Variants in MED15 observed in about 807,000 individuals in gnomAD.
The protein encoded by MED15 is mediator of RNA polymerase II transcription subunit 15.
Under a neutral mutation model 118.7 loss-of-function variants are expected in MED15, and 41 were observed. The observed-to-expected ratio is 0.35, with a 90% CI of 0.27 to 0.45. The LOEUF (loss-of-function observed/expected upper bound fraction) is 0.45, where lower values mean the gene tolerates loss of function less well. MED15 is among the 20% of genes least tolerant of loss of function. The probability of loss-of-function intolerance (pLI) is 1.00; values close to 1 mark genes in which losing one functional copy is unlikely to be tolerated. For missense variants in MED15, 740 were observed against 1,025.5 expected, an observed-to-expected ratio of 0.72 and a Z score of 3.80; for synonymous variants, 436 against 413.9, an observed-to-expected ratio of 1.05 and a Z score of -0.65.
chr22:20,548,173 G>A (rs1301527748), intron 2 of MED15, among the ~76,000 whole-genome samples: 1 of 151,680 alleles, frequency 6.6e-6, no homozygotes, highest in African/African-American at 2.4e-5. Flanking sequence ...TTTGTTTTTT[G>A]TTTTGAGACA....
At chr22:20,585,955 C>T in intron 17 of MED15, 129 bp downstream of exon 17, 1 of 830,872 alleles carries the variant, frequency 1.2e-6, no homozygotes, top group Non-Finnish European at 1.9e-6. Context: ...GCCCCTCCCT[C>T]CCCTCTTCTG....
chr22:20,546,963 T>C (rs1376722736), intron 2 of MED15, among the ~76,000 whole-genome samples: 1 of 152,220 alleles, frequency 6.6e-6, no homozygotes, highest in Non-Finnish European at 1.5e-5. Flanking sequence ...AAAAACATGT[T>C]TTTGAAATAA....
At chr22:20,541,795 A>C (rs919605588) in intron 2 of MED15, among the ~76,000 whole-genome samples, 2 of 152,122 alleles carry the variant, frequency 1.3e-5, no homozygotes, top group African/African-American at 4.8e-5. Context: ...GACTACAGGC[A>C]TGTGCCACCA....
intron 1 of MED15, among the ~76,000 whole-genome samples, chr22:20,513,585 C>T (rs897433739): frequency 6.6e-6 from 1 of 152,098 alleles, no homozygotes; most frequent in Non-Finnish European, 1.5e-5. Flanking sequence ...CCTAGCCTTT[C>T]TTAATCGTGT....
intron 1 of MED15, 123 bp downstream of exon 1, chr22:20,507,869 G>C (rs2053923029): frequency 1.3e-6 from 2 of 1,515,142 alleles, no homozygotes; most frequent in Non-Finnish European, 1.8e-6. Context: ...CCGGGGACTT[G>C]CGTGGGTCCC....
At chr22:20,521,626 G>A (rs2054462791) in intron 1 of MED15, among the ~76,000 whole-genome samples, 1 of 142,166 alleles carries the variant, frequency 7.0e-6, no homozygotes, top group Non-Finnish European at 1.5e-5. Context: ...TCCATCTCCT[G>A]ACCCCGTGAT....
intron 1 of MED15, among the ~76,000 whole-genome samples, chr22:20,515,301 T>C (rs2054210574): frequency 6.6e-6 from 1 of 152,156 alleles, no homozygotes; most frequent in Admixed American, 6.6e-5. Flanking sequence ...ATTTATAAGA[T>C]GAGGAAAATG....
chr22:20,578,923 G>A (rs569741927), intron 9 of MED15, among the ~76,000 whole-genome samples: 1 of 152,200 alleles, frequency 6.6e-6, no homozygotes, highest in Non-Finnish European at 1.5e-5. Flanking sequence ...CTGTCTTGAC[G>A]GCTCATGGCT....
rs146290586 is a variant in MED15, at chr22:20,582,262, C to T, written c.1273-349C>T. On this transcript the variant is annotated intron_variant, in intron 9 of 17. Transcript: ENST00000263205. Reference sequence around the variant, plus strand: ...AGGAGCATGTCACAGGACAGGCAGGCGTGTCAGGGAAGGCCAGGCTAGTGC... The same window carrying T: ...AGGAGCATGTCACAGGACAGGCAGGTGTGTCAGGGAAGGCCAGGCTAGTGC... The T allele has an allele frequency of 1.0e-5, 4 of 387,992 alleles. No homozygotes were observed. The East Asian group carries it at 1.9e-4, about 19-fold the overall frequency. 24.0% of individuals were successfully genotyped at this position (387,992 alleles called of 1,614,324 possible).
intron 5 of MED15, among the ~76,000 whole-genome samples, chr22:20,556,441 C>T (rs1294757941): frequency 6.6e-6 from 1 of 152,002 alleles, no homozygotes; most frequent in Non-Finnish European, 1.5e-5. Flanking sequence ...CCTGGGACTA[C>T]AGGCGCCTGC....
rs970697407 is a variant in MED15, at chr22:20,564,495, A to G, written c.497A>G (p.Gln166Arg). The G allele has an allele frequency of 6.2e-7, 1 of 1,610,032 alleles. No individual in the cohort carries two copies. Among genetic ancestry groups the G allele is most frequent in the East Asian group, 2.2e-5 (1 of 44,866 alleles). Residue 166 changes from glutamine to arginine, a missense_variant, in exon 6 of 18, where the codon CAG (glutamine) becomes CGG (arginine). Physicochemically the swap from Gln to Arg is conservative, Grantham distance 43. Around this residue, in one of 7 missense-constraint regions of MED15, gnomAD observed 3 missense variants for 20.0 expected, o/e 0.15. Transcript: ENST00000263205. ...GTGGCGCTGCAGCAGCAGCAGCAAC[A>G]GCAGCAGTTCCAGCAGCAGCAGCAG... ...QQVALQQQQQ[Q>R]QQFQQQQQAA...
intron 1 of MED15, among the ~76,000 whole-genome samples, chr22:20,523,197 G>A (rs1257466023): frequency 6.6e-6 from 1 of 152,074 alleles, no homozygotes; most frequent in African/African-American, 2.4e-5. Flanking sequence ...GAGACTGTGA[G>A]TTCAGTTTTG....
chr22:20,515,042 A>G (rs2054200861), intron 1 of MED15, among the ~76,000 whole-genome samples: 1 of 152,148 alleles, frequency 6.6e-6, no homozygotes, highest in Admixed American at 6.5e-5. Flanking sequence ...CTTCACTTTC[A>G]TAGCCCCAGT....
At chr22:20,551,408 T>G in intron 2 of MED15, 28 bp from the exon 3 acceptor site, 1 of 1,610,766 alleles carries the variant, frequency 6.2e-7, no homozygotes, top group Non-Finnish European at 8.5e-7. Context: ...TCATCTGGTA[T>G]TAAACTGCTT....
At chr22:20,535,080 C>T in intron 1 of MED15, among the ~76,000 whole-genome samples, 1 of 152,186 alleles carries the variant, frequency 6.6e-6, no homozygotes, top group South Asian at 2.1e-4. Context: ...GCCTCAGCCT[C>T]CCGAGTAGCT....
chr22:20,564,063 G>A (rs916648229), intron 5 of MED15, among the ~76,000 whole-genome samples: 1 of 152,168 alleles, frequency 6.6e-6, no homozygotes, highest in Non-Finnish European at 1.5e-5. Context: ...GGGCGAACTC[G>A]TAAATATTAT....
intron 5 of MED15, among the ~76,000 whole-genome samples, chr22:20,562,427 C>T (rs910403720): frequency 6.6e-6 from 1 of 152,134 alleles, no homozygotes; most frequent in African/African-American, 2.4e-5. Context: ...CTCTGTCACC[C>T]AGGCTGGAGT....
Position 20,570,746 on chromosome 22 carries a change from C to CTTTTTTT in MED15, c.1152+2139_1152+2145dup, listed in dbSNP as rs61109389. Among the ~76,000 whole-genome samples the CTTTTTTT allele has an allele frequency of 4.2e-3, 262 of 62,090 alleles. 11 individuals are homozygous for CTTTTTTT. The highest frequency in any genetic ancestry group is 8.4e-3 in the African/African-American group (115 of 13,686). The allele number at this position is 62,090 out of a possible 152,430, so 40.7% of individuals were successfully genotyped here. On this transcript the variant is annotated intron_variant, in intron 8 of 17. Coordinates refer to ENST00000263205, the MANE Select transcript of MED15 (RefSeq NM_001003891.3). ...TTTTCTTTTCTTTCTTTCTTTCTTTCTTTTTTTTTTTTTTTTTTTTTTTTT... is the reference window on the plus strand; with the variant it reads ...TTTTCTTTTCTTTCTTTCTTTCTTTCTTTTTTTTTTTTTTTTTTTTTTTTTTTTTTTT...
intron 1 of MED15, among the ~76,000 whole-genome samples, chr22:20,528,084 T>C (rs1311982434): frequency 6.6e-6 from 1 of 152,180 alleles, no homozygotes; most frequent in Non-Finnish European, 1.5e-5. Flanking sequence ...TTCCTTCTTC[T>C]TGCTGAATTT....
Sources: allele counts gnomAD v4.1 joint callset (sites outside exome capture counted in the v4.1 genomes callset), GRCh38; gene constraint gnomAD v4.1.1; regional missense constraint gnomAD v4.1.1; transcripts MANE v1.5; gene names NCBI Gene and HGNC (gene_info 2026-07-23, HGNC 2026-07-21).